Variants in IKZF2 observed in about 807,000 individuals in gnomAD.
IKZF2 encodes IKAROS family zinc finger 2, also known as zinc finger protein Helios.
In IKZF2, 15 loss-of-function variants were observed where a neutral mutation model predicts 49.2. The ratio of observed to expected loss-of-function variants is 0.30; its 90% CI spans 0.20 to 0.47. The LOEUF (loss-of-function observed/expected upper bound fraction) is 0.47, where lower values mean the gene tolerates loss of function less well. IKZF2 is among the 20% of genes least tolerant of loss of function. The probability of loss-of-function intolerance (pLI) is 1.00; values close to 1 mark genes in which losing one functional copy is unlikely to be tolerated. For missense variants in IKZF2, 567 were observed against 664.6 expected (o/e 0.85, Z 1.61); for synonymous variants, 227 against 221.4 (o/e 1.03, Z -0.23).
chr2:213,136,382 A>AG (rs1379612826), intron 4 of IKZF2, among the ~76,000 whole-genome samples: 1 of 117,126 alleles, frequency 8.5e-6, no homozygotes, highest in African/African-American at 2.6e-5. Context: ...AAAAAAAAAA[A>AG]AAAAAAAAAG....
chr2:213,073,002 C>T (rs1291151078), intron 4 of IKZF2, among the ~76,000 whole-genome samples: 1 of 152,002 alleles, frequency 6.6e-6, no homozygotes, highest in Non-Finnish European at 1.5e-5. Flanking sequence ...AGTAAATATT[C>T]AGACAGAATA....
chr2:213,108,033 A>G (rs1027944862), intron 4 of IKZF2, among the ~76,000 whole-genome samples: 2 of 152,110 alleles, frequency 1.3e-5, no homozygotes, highest in African/African-American at 4.8e-5. Context: ...TTGATAGGAG[A>G]ATGGGGTCAA....
chr2:213,071,638 AAGG>A (rs1396682190), intron 4 of IKZF2, among the ~76,000 whole-genome samples: 4 of 152,122 alleles, frequency 2.6e-5, no homozygotes, highest in African/African-American at 9.7e-5. Flanking sequence ...GTCTGTGTGG[AAGG>A]AGAAGTATAA....
intron 6 of IKZF2, among the ~76,000 whole-genome samples, chr2:213,025,507 C>T (rs961984938): frequency 1.3e-5 from 2 of 152,120 alleles, no homozygotes; most frequent in Non-Finnish European, 2.9e-5. Context: ...AATTAACCAT[C>T]GGATACCTAT....
At chr2:213,144,700 G>A (rs2060985195) in intron 4 of IKZF2, among the ~76,000 whole-genome samples, 1 of 151,890 alleles carries the variant, frequency 6.6e-6, no homozygotes, top group Non-Finnish European at 1.5e-5. Flanking sequence ...ATTGTCAGCA[G>A]ACTCAATATG....
intron 6 of IKZF2, among the ~76,000 whole-genome samples, chr2:213,040,731 A>T (rs908129656): frequency 6.6e-6 from 1 of 152,214 alleles, no homozygotes; most frequent in Non-Finnish European, 1.5e-5. Flanking sequence ...AATTTATAAG[A>T]ATGAAAGAAC....
intron 4 of IKZF2, chr2:213,147,501 C>A (rs112905092): frequency 4.6e-6 from 3 of 648,028 alleles, no homozygotes; most frequent in Non-Finnish European, 8.4e-6. Context: ...CTCCCAAATG[C>A]CACCTTGGGA....
intron 4 of IKZF2, among the ~76,000 whole-genome samples, chr2:213,089,016 G>T (rs1253067441): frequency 2.0e-5 from 3 of 152,152 alleles, no homozygotes; most frequent in Admixed American, 2.0e-4. Flanking sequence ...CTCTGCAGGA[G>T]CATCCTGGCT....
intron 4 of IKZF2, among the ~76,000 whole-genome samples, chr2:213,103,169 T>C (rs923055955): frequency 1.3e-5 from 2 of 152,154 alleles, no homozygotes; most frequent in Non-Finnish European, 2.9e-5. Flanking sequence ...CTCAGAGATA[T>C]TAATTTATTC....
At chr2:213,094,900 T>C (rs1705794365) in intron 4 of IKZF2, among the ~76,000 whole-genome samples, 1 of 152,112 alleles carries the variant, frequency 6.6e-6, no homozygotes, top group African/African-American at 2.4e-5. Context: ...TTCCAAGATT[T>C]CAAGTCTGAA....
At chr2:213,021,137 G>C (rs1010916133) in intron 7 of IKZF2, among the ~76,000 whole-genome samples, 1 of 151,966 alleles carries the variant, frequency 6.6e-6, no homozygotes, top group Non-Finnish European at 1.5e-5. Context: ...CGCTTGAACC[G>C]GGGAGGCAGA....
intron 4 of IKZF2, among the ~76,000 whole-genome samples, chr2:213,111,391 T>C (rs563040555): frequency 2.6e-5 from 4 of 152,200 alleles, no homozygotes; most frequent in Non-Finnish European, 5.9e-5. Flanking sequence ...AATACAAATA[T>C]TACACATTTA....
At chr2:213,092,544 T>C (rs1365005123) in intron 4 of IKZF2, among the ~76,000 whole-genome samples, 1 of 152,108 alleles carries the variant, frequency 6.6e-6, no homozygotes, top group Non-Finnish European at 1.5e-5. Flanking sequence ...CCAACAATGT[T>C]AGTCCCCCCT....
At chr2:213,108,450 C>T (rs1331307354) in intron 4 of IKZF2, among the ~76,000 whole-genome samples, 1 of 152,102 alleles carries the variant, frequency 6.6e-6, no homozygotes, top group Non-Finnish European at 1.5e-5. Flanking sequence ...TCTCACTGTG[C>T]CCCACAGTTT....
intron 4 of IKZF2, among the ~76,000 whole-genome samples, chr2:213,141,914 T>C (rs1443947884): frequency 6.6e-6 from 1 of 152,038 alleles, no homozygotes; most frequent in African/African-American, 2.4e-5. Flanking sequence ...AATAATTGCA[T>C]TTAAGCCTAC....
intron 4 of IKZF2, among the ~76,000 whole-genome samples, chr2:213,137,996 C>T (rs1322148800): frequency 6.6e-6 from 1 of 152,170 alleles, no homozygotes; most frequent in African/African-American, 2.4e-5. Flanking sequence ...ATGACAAAAA[C>T]GTCAAAAGTG....
intron 7 of IKZF2, chr2:213,021,754 T>C (rs1228125740): frequency 1.8e-6 from 1 of 567,500 alleles, no homozygotes; most frequent in Non-Finnish European, 3.2e-6. Context: ...GAGTAAATAG[T>C]ACCTTCCTTT....
intron 4 of IKZF2, among the ~76,000 whole-genome samples, chr2:213,079,402 A>T (rs1051996840): frequency 1.0e-4 from 12 of 118,492 alleles, no homozygotes; most frequent in African/African-American, 4.1e-4. Flanking sequence ...GGAAGAAAGA[A>T]GGAAGGAAGG....
intron 3 of IKZF2, among the ~76,000 whole-genome samples, chr2:213,148,249 T>A (rs939712846): frequency 6.6e-6 from 1 of 152,124 alleles, no homozygotes; most frequent in African/African-American, 2.4e-5. Flanking sequence ...GTCTGAAAAA[T>A]TAGGTTACAG....
Sources: allele counts gnomAD v4.1 joint callset (sites outside exome capture counted in the v4.1 genomes callset), GRCh38; gene constraint gnomAD v4.1.1; transcripts MANE v1.5; gene names NCBI Gene and HGNC (gene_info 2026-07-23, HGNC 2026-07-21).